PRKCE: variants seen among roughly 807,000 people sequenced by gnomAD.
The protein encoded by PRKCE is protein kinase C epsilon.
A neutral mutation model predicts 85.4 loss-of-function variants in PRKCE; 16 were observed. That is an observed-to-expected ratio of 0.19 (90% CI 0.13 to 0.28). The LOEUF (loss-of-function observed/expected upper bound fraction) is 0.28, where lower values mean the gene tolerates loss of function less well. Ranked by LOEUF, PRKCE falls within the 10% of genes least tolerant of loss-of-function variation. The probability of loss-of-function intolerance (pLI) is 1.00; values close to 1 mark genes in which losing one functional copy is unlikely to be tolerated. For synonymous variants in PRKCE, 388 were observed against 371.5 expected, an observed-to-expected ratio of 1.04 and a Z score of -0.51; for missense variants, 573 against 975.2, an observed-to-expected ratio of 0.59 and a Z score of 5.49.
intron 1 of PRKCE, among the ~76,000 whole-genome samples, chr2:45,709,959 G>A (rs1223708915): frequency 6.6e-6 from 1 of 152,152 alleles, no homozygotes; most frequent in Non-Finnish European, 1.5e-5. Flanking sequence ...ACAGGCACAT[G>A]CCACCACGCC....
chr2:46,143,240 T>G (rs1400843686), intron 11 of PRKCE, among the ~76,000 whole-genome samples: 1 of 152,126 alleles, frequency 6.6e-6, no homozygotes, highest in East Asian at 1.9e-4. Flanking sequence ...TTCCCACACA[T>G]AAAGAAGCAT....
chr2:45,677,143 A>T (rs1676506852), intron 1 of PRKCE: 1 of 151,872 alleles, frequency 6.6e-6, no homozygotes, highest in Admixed American at 6.6e-5. Flanking sequence ...GGTTGGGGGC[A>T]TGGGGACAAG....
intron 1 of PRKCE, among the ~76,000 whole-genome samples, chr2:45,723,740 G>C (rs1472211265): frequency 2.0e-5 from 3 of 152,046 alleles, no homozygotes; most frequent in African/African-American, 7.2e-5. Context: ...GAATAGCTGG[G>C]ATTATGGGCG....
At chr2:45,967,111 T>G (rs183196187) in intron 2 of PRKCE, among the ~76,000 whole-genome samples, 1 of 152,292 alleles carries the variant, frequency 6.6e-6, no homozygotes, top group Non-Finnish European at 1.5e-5. Flanking sequence ...AAGTCCTGAT[T>G]TGTAGCATTT....
intron 2 of PRKCE, among the ~76,000 whole-genome samples, chr2:45,960,520 C>T (rs1163631774): frequency 3.3e-5 from 5 of 152,264 alleles, no homozygotes; most frequent in African/African-American, 1.2e-4. Context: ...ACCTAGATCC[C>T]TCACGTGTGC....
Position 45,965,324 on chromosome 2 carries a change from T to C in PRKCE, c.413-11105T>C, listed in dbSNP as rs183691471. Reference sequence around the variant, plus strand: ...TTTCACTTGCAAACATTATCATCTATTGTTCTATGGAAAATTACAAAATAA... The same window carrying C: ...TTTCACTTGCAAACATTATCATCTACTGTTCTATGGAAAATTACAAAATAA... On this transcript the variant is annotated intron_variant, in intron 2 of 14. Transcript: ENST00000306156. Among the ~76,000 whole-genome samples the C allele has an allele frequency of 1.3e-5, 2 of 152,382 alleles. 1 individual carries two copies. The highest frequency in any genetic ancestry group is 4.8e-5 in the African/African-American group (2 of 41,594).
intron 2 of PRKCE, among the ~76,000 whole-genome samples, chr2:45,965,270 A>G (rs558135705): frequency 2.7e-4 from 41 of 152,258 alleles, no homozygotes; most frequent in Non-Finnish European, 3.7e-4. Context: ...TTTACACAAT[A>G]TTTAAAACTC....
intron 1 of PRKCE, among the ~76,000 whole-genome samples, chr2:45,840,197 T>A (rs1334908111): frequency 8.6e-5 from 13 of 151,906 alleles, no homozygotes; most frequent in African/African-American, 3.1e-4. Context: ...TGAGAAAGAG[T>A]TTCATTTTGC....
intron 10 of PRKCE, among the ~76,000 whole-genome samples, chr2:46,077,530 T>C (rs762483159): frequency 1.2e-4 from 19 of 152,216 alleles, no homozygotes; most frequent in Admixed American, 5.2e-4. Flanking sequence ...TTGATTGTGA[T>C]AACTCTGAAT....
chr2:45,959,629 AG>A (rs1264020597), intron 2 of PRKCE, among the ~76,000 whole-genome samples: 1 of 152,204 alleles, frequency 6.6e-6, no homozygotes, highest in African/African-American at 2.4e-5. Flanking sequence ...GATCAGATTT[AG>A]GGAACACTTT....
chr2:45,835,597 G>GT (rs34000335), intron 1 of PRKCE, among the ~76,000 whole-genome samples: 81 of 143,786 alleles, frequency 5.6e-4, no homozygotes, highest in East Asian at 1.6e-3. Context: ...TAGTATATTT[G>GT]TTTTTTTTTT....
chr2:45,933,686 C>A (rs1205740170), intron 2 of PRKCE, among the ~76,000 whole-genome samples: 1 of 151,924 alleles, frequency 6.6e-6, no homozygotes, highest in African/African-American at 2.4e-5. Flanking sequence ...CCATATTAGC[C>A]AGGATGGTCT....
chr2:45,845,046 G>T (rs1042874359), intron 2 of PRKCE, among the ~76,000 whole-genome samples: 1 of 150,652 alleles, frequency 6.6e-6, no homozygotes, highest in Admixed American at 6.6e-5. Flanking sequence ...CTGAAGAAAA[G>T]AAGACATTTT....
intron 1 of PRKCE, among the ~76,000 whole-genome samples, chr2:45,735,049 C>G (rs1039902635): frequency 6.6e-6 from 1 of 152,254 alleles, no homozygotes; most frequent in Non-Finnish European, 1.5e-5. Context: ...CAATAAACCT[C>G]CTACATGCTA....
At chr2:45,978,749 G>C (rs1474344209) in intron 3 of PRKCE, 1 of 525,526 alleles carries the variant, frequency 1.9e-6, no homozygotes, top group African/African-American at 1.9e-5. Context: ...ATCAAGCTCT[G>C]ATGCTGACCA....
intron 2 of PRKCE, among the ~76,000 whole-genome samples, chr2:45,969,775 T>A (rs1328912159): frequency 6.6e-6 from 1 of 152,210 alleles, no homozygotes; most frequent in East Asian, 1.9e-4. Context: ...CCCATCATCC[T>A]AGTGGAGCGC....
At chr2:45,677,725 A>T in intron 1 of PRKCE, 2 of 282,614 alleles carry the variant, frequency 7.1e-6, no homozygotes, top group Non-Finnish European at 1.1e-5. Flanking sequence ...TGCTTTAGGT[A>T]TTTAGCCTGG....
chr2:45,651,662 C>T (rs2103659851), upstream of PRKCE: 1 of 156,984 alleles, frequency 6.4e-6, no homozygotes, highest in East Asian at 1.9e-4. Context: ...CGCCCCATCC[C>T]CCTCCCGGAG....
intron 1 of PRKCE, among the ~76,000 whole-genome samples, chr2:45,707,406 G>A (rs930927345): frequency 1.3e-5 from 2 of 152,172 alleles, no homozygotes. Flanking sequence ...AGAAAGCTTT[G>A]TACTTCCCAG....
Sources: gnomAD v4.1 joint callset for allele counts (sites outside exome capture counted in the v4.1 genomes callset) on GRCh38, gnomAD v4.1.1 for gene constraint, MANE v1.5 for transcripts, NCBI Gene and HGNC (gene_info 2026-07-23, HGNC 2026-07-21) for gene names.